The following ZBTB16 variants were observed in gnomAD, a reference collection of about 807,000 sequenced individuals.
ZBTB16 encodes the protein zinc finger and BTB domain containing 16, also known as zinc finger and BTB domain-containing protein 16.
ZBTB16 carries 8 observed loss-of-function variants against 56.8 expected under a neutral mutation model. That is an observed-to-expected ratio of 0.14 (90% CI 0.08 to 0.25). ZBTB16 has a LOEUF of 0.25. ZBTB16 is among the 10% of genes least tolerant of loss of function. The pLI, the probability that ZBTB16 is intolerant of heterozygous loss-of-function variation, is 1.00. For missense variants in ZBTB16, 625 were observed against 903.0 expected (o/e 0.69, Z 3.95); for synonymous variants, 363 against 368.5 (o/e 0.98, Z 0.17).
At chr11:114,122,568 T>C (rs1030872596) in intron 2 of ZBTB16, among the ~76,000 whole-genome samples, 3 of 152,348 alleles carry the variant, frequency 2.0e-5, no homozygotes, top group Admixed American at 2.0e-4. Flanking sequence ...GACAGGAGCA[T>C]GGCCCCATCT....
intron 4 of ZBTB16, among the ~76,000 whole-genome samples, chr11:114,211,737 G>A (rs1357433596): frequency 6.6e-6 from 1 of 152,188 alleles, no homozygotes; most frequent in African/African-American, 2.4e-5. Flanking sequence ...GCAGTGGGGA[G>A]TTTGACTTCA....
At chr11:114,238,241 G>C (rs1231768148) in intron 4 of ZBTB16, among the ~76,000 whole-genome samples, 2 of 152,238 alleles carry the variant, frequency 1.3e-5, no homozygotes, top group Non-Finnish European at 2.9e-5. Flanking sequence ...TGCTGCTGCT[G>C]TTGGTCCCCA....
chr11:114,209,893 A>G (rs570019156), intron 4 of ZBTB16: 2 of 985,384 alleles, frequency 2.0e-6, no homozygotes, highest in African/African-American at 1.7e-5. Flanking sequence ...TTCATGAAGG[A>G]TATCTGTATG....
intron 2 of ZBTB16, 97 bp from the exon 3 acceptor site, chr11:114,156,240 C>A: frequency 8.1e-7 from 1 of 1,232,746 alleles, no homozygotes; most frequent in Non-Finnish European, 1.2e-6. Context: ...CGCCTGTCAC[C>A]TGCCAGAGGG....
intron 4 of ZBTB16, among the ~76,000 whole-genome samples, chr11:114,225,163 AGTAAG>A (rs1486423354): frequency 6.6e-6 from 1 of 152,168 alleles, no homozygotes; most frequent in East Asian, 1.9e-4. Flanking sequence ...ATATGAAAGA[AGTAAG>A]GAAAGGAAAG....
At chr11:114,171,117 C>G (rs1376147245) in intron 3 of ZBTB16, among the ~76,000 whole-genome samples, 1 of 152,110 alleles carries the variant, frequency 6.6e-6, no homozygotes, top group Non-Finnish European at 1.5e-5. Flanking sequence ...TTGAAGCTGA[C>G]CCGGGAGCAA....
intron 3 of ZBTB16, among the ~76,000 whole-genome samples, chr11:114,167,943 C>T (rs952368762): frequency 2.0e-5 from 3 of 152,192 alleles, no homozygotes; most frequent in East Asian, 3.9e-4. Flanking sequence ...AAAAGTCAGC[C>T]GACTCAGCCC....
At chr11:114,078,389 T>C (rs1436841711) in intron 2 of ZBTB16, among the ~76,000 whole-genome samples, 3 of 152,220 alleles carry the variant, frequency 2.0e-5, no homozygotes, top group Admixed American at 1.3e-4. Flanking sequence ...AAATCTTAAA[T>C]GAGTGGACTT....
rs35784831 is a variant in ZBTB16 at position 114,063,972 on chromosome 11, C to T, written c.672C>T (p.Pro224=). The change falls in exon 2 of 7, where the codon CCC becomes CCT. Residue 224 remains proline (P), a synonymous_variant. Coordinates refer to ENST00000335953, the MANE Select transcript of ZBTB16 (RefSeq NM_006006.6). The surrounding 1 kb of genome is among the most constrained non-coding windows in gnomAD (Gnocchi z 6.5). Reference sequence around the variant, plus strand: ...GAACTCTTCAGCCACCTGCAGGGCCCGAGGAGCCAACTCTGGCTGGGGGTG... The same window carrying T: ...GAACTCTTCAGCCACCTGCAGGGCCTGAGGAGCCAACTCTGGCTGGGGGTG... ...LQGTLQPPAG[P]EEPTLAGGGR... 340 of 1,613,544 alleles carry T rather than the reference C, an allele frequency of 2.1e-4. No individual in the cohort carries two copies. In the East Asian group the frequency reaches 5.7e-3, roughly 27 times the overall value.
In ZBTB16 at chr11:114,247,262, C is replaced by G; in HGVS notation, c.1689C>G (p.Ser563Arg). Reference protein sequence around the residue: ...SCFRDESTLKSHKRIHTGEKP... With the variant: ...SCFRDESTLKRHKRIHTGEKP... The stretch of plus-strand genomic sequence containing the variant: ...TCCGGGATGAGAGCACACTCAAGAG[C>G]CACAAACGCATCCACACGGGTGAGA... The change falls in exon 6 of 7, where the codon AGC (serine) becomes AGG (arginine). Residue 563 changes from serine (S) to arginine (R), a missense_variant. Coordinates refer to ENST00000335953, the MANE Select transcript of ZBTB16 (RefSeq NM_006006.6). 6.2e-7 allele frequency: 1 copy of G among 1,614,246 alleles called. No individual in the cohort carries two copies. Among genetic ancestry groups the G allele is most frequent in the Non-Finnish European group, 8.5e-7 (1 of 1,180,048 alleles).
intron 2 of ZBTB16, among the ~76,000 whole-genome samples, chr11:114,131,298 C>G (rs948536862): frequency 3.3e-5 from 5 of 152,184 alleles, no homozygotes; most frequent in African/African-American, 9.7e-5. Flanking sequence ...CCCCACCCCA[C>G]TACAAAGAAT....
chr11:114,143,827 G>A lies in ZBTB16; in HGVS notation c.1269-12510G>A, dbSNP rs912198367. The stretch of plus-strand genomic sequence containing the variant: ...CTTCATTCTGTTTCAAGATTACATA[G>A]CATGCAGTATGTTGTTGGGTATTGT... On this transcript the variant is annotated intron_variant, in intron 2 of 6. Transcript: ENST00000335953. The surrounding 1 kb of genome is among the most constrained non-coding windows in gnomAD (Gnocchi z 6.4). Among the ~76,000 whole-genome samples the A allele has an allele frequency of 2.0e-5, 3 of 152,198 alleles. No homozygotes were observed. Among genetic ancestry groups the A allele is most frequent in the African/African-American group, 7.2e-5 (3 of 41,442 alleles).
At chr11:114,108,537 TC>T (rs1940882895) in intron 2 of ZBTB16, among the ~76,000 whole-genome samples, 2 of 152,200 alleles carry the variant, frequency 1.3e-5, no homozygotes, top group African/African-American at 4.8e-5. Flanking sequence ...TGAGCTCATC[TC>T]CCTTCTTCCC....
In ZBTB16 at chr11:114,250,459, C is replaced by G; in HGVS notation, c.1926C>G (p.Leu642=). Residue 642 remains leucine (L), a synonymous_variant, in exon 7 of 7, where the codon CTC becomes CTG. Transcript: ENST00000335953. The surrounding 1 kb of genome is among the most constrained non-coding windows in gnomAD (Gnocchi z 6.0). ...TCTGCACAGAGTACTGCCCCAGCCT[C>G]TCCTCCATGCAGAAGCACATGAAGG... The part of the protein sequence containing the change: ...CTICTEYCPS[L]SSMQKHMKGH... 2 of 1,614,174 alleles carry G rather than the reference C, an allele frequency of 1.2e-6. No homozygotes were observed. The highest frequency in any genetic ancestry group is 1.7e-6 in the Non-Finnish European group (2 of 1,180,042).
chr11:114,233,245 G>T (rs1565700298), intron 4 of ZBTB16, among the ~76,000 whole-genome samples: 1 of 151,952 alleles, frequency 6.6e-6, no homozygotes, highest in Admixed American at 6.6e-5. Context: ...AGAAGGAGCT[G>T]CTGGGGCAGG....
At chr11:114,169,775 T>C (rs945928850) in intron 3 of ZBTB16, among the ~76,000 whole-genome samples, 2 of 152,146 alleles carry the variant, frequency 1.3e-5, no homozygotes, top group East Asian at 3.9e-4. Context: ...GAGAAGCTCC[T>C]AAGAACCAGG....
chr11:114,076,171 C>T (rs912963687), intron 2 of ZBTB16, among the ~76,000 whole-genome samples: 3 of 152,126 alleles, frequency 2.0e-5, no homozygotes, highest in African/African-American at 7.2e-5. Context: ...TTGGAGATGA[C>T]GCCTCCTCAG....
chr11:114,067,417 T>C (rs1426654949), intron 2 of ZBTB16, among the ~76,000 whole-genome samples: 3 of 152,234 alleles, frequency 2.0e-5, no homozygotes, highest in Middle Eastern at 3.4e-3. Flanking sequence ...GTTGTTGTTG[T>C]TGTTGTTGAG....
chr11:114,227,480 C>A (rs1944352567), intron 4 of ZBTB16, among the ~76,000 whole-genome samples: 1 of 152,248 alleles, frequency 6.6e-6, no homozygotes, highest in Non-Finnish European at 1.5e-5. Flanking sequence ...TCTATTCGTC[C>A]TTCTCTCCAT....
Sources: gnomAD v4.1 joint callset for allele counts (sites outside exome capture counted in the v4.1 genomes callset) on GRCh38, gnomAD v4.1.1 for gene constraint, Gnocchi (gnomAD v3.1) non-coding constraint, MANE v1.5 for transcripts, NCBI Gene and HGNC (gene_info 2026-07-23, HGNC 2026-07-21) for gene names.